The following DNAH8 variants were observed in gnomAD, a reference collection of about 807,000 sequenced individuals.
DNAH8 encodes dynein axonemal heavy chain 8, also known as axonemal beta dynein heavy chain 8.
In DNAH8, 382 loss-of-function variants were observed where a neutral mutation model predicts 562.1. The observed-to-expected ratio is 0.68, with a 90% CI of 0.63 to 0.74. The LOEUF (loss-of-function observed/expected upper bound fraction) is 0.74, where lower values mean the gene tolerates loss of function less well. Ranked by LOEUF, DNAH8 falls within the 30% of genes least tolerant of loss-of-function variation. The probability of loss-of-function intolerance (pLI) is 0.00; values close to 1 mark genes in which losing one functional copy is unlikely to be tolerated. For missense variants in DNAH8, 5,203 were observed against 5,620.4 expected, an observed-to-expected ratio of 0.93 and a Z score of 2.37; for synonymous variants, 1,881 against 1,919.4, an observed-to-expected ratio of 0.98 and a Z score of 0.52.
At chr6:38,988,566 C>G (rs1764568281) in intron 87 of DNAH8, among the ~76,000 whole-genome samples, 1 of 152,194 alleles carries the variant, frequency 6.6e-6, no homozygotes, top group African/African-American at 2.4e-5. Context: ...CAACTACTCT[C>G]CATTTCTTGA....
chr6:38,825,435 A>G (rs1268858474), intron 28 of DNAH8, among the ~76,000 whole-genome samples: 1 of 152,156 alleles, frequency 6.6e-6, no homozygotes, highest in Non-Finnish European at 1.5e-5. Flanking sequence ...AGCTATGTTA[A>G]GGGAGAAAAG....
intron 28 of DNAH8, among the ~76,000 whole-genome samples, 200 bp from the exon 29 acceptor site, chr6:38,825,956 A>T (rs1382310888): frequency 6.6e-6 from 1 of 152,178 alleles, no homozygotes; most frequent in African/African-American, 2.4e-5. Flanking sequence ...TTCCACGGGG[A>T]TACATGCTCT....
chr6:38,838,479 A>G (rs1774491916), intron 33 of DNAH8, among the ~76,000 whole-genome samples: 2 of 151,324 alleles, frequency 1.3e-5, no homozygotes, highest in Admixed American at 6.6e-5. Flanking sequence ...GCTCACTGCA[A>G]GCTCTGCCTC....
chr6:38,757,368 G>T (rs1766021155), intron 10 of DNAH8, among the ~76,000 whole-genome samples: 1 of 146,166 alleles, frequency 6.8e-6, no homozygotes, highest in Non-Finnish European at 1.5e-5. Context: ...TGATGGGGTT[G>T]TTTGTTTTTT....
chr6:38,940,301 A>G (rs1349121162), intron 79 of DNAH8, among the ~76,000 whole-genome samples: 1 of 152,168 alleles, frequency 6.6e-6, no homozygotes, highest in Non-Finnish European at 1.5e-5. Context: ...TGCATACAAG[A>G]GCCAAGAGAG....
At chr6:38,771,034 G>A (rs141710113) in intron 12 of DNAH8, among the ~76,000 whole-genome samples, 1 of 152,256 alleles carries the variant, frequency 6.6e-6, no homozygotes, top group African/African-American at 2.4e-5. Context: ...TATTAGGACT[G>A]GTTGGGAAGG....
intron 26 of DNAH8, among the ~76,000 whole-genome samples, chr6:38,816,496 A>G (rs778650455): frequency 3.9e-5 from 6 of 152,094 alleles, no homozygotes; most frequent in Non-Finnish European, 5.9e-5. Context: ...ATTGATGGGC[A>G]TTTGGGTTGA....
chr6:38,778,503 A>G (rs1196890860), intron 14 of DNAH8, 39 bp downstream of exon 14: 11 of 1,159,504 alleles, frequency 9.5e-6, no homozygotes, highest in East Asian at 2.4e-5. Context: ...TTCTGGGGGG[A>G]ATAACTTTAA....
chr6:38,811,472 A>G (rs1338740754), intron 24 of DNAH8, among the ~76,000 whole-genome samples: 1 of 152,182 alleles, frequency 6.6e-6, no homozygotes, highest in Non-Finnish European at 1.5e-5. Context: ...GTATCTCTGT[A>G]TCTATTCTAA....
Position 38,857,631 on chromosome 6 carries a change from T to C in DNAH8, c.5847T>C (p.Ile1949=). ...TGACCAATCAGAAATTTTTGGATAT[T>C]CTAAATACTCTCATTAGTCAGACAA... ...MQVTNQKFLD[I]LNTLISQTTH... Residue 1949 remains isoleucine (I), a synonymous_variant, in exon 42 of 93, where the codon ATT becomes ATC. Coordinates refer to ENST00000327475, the MANE Select transcript of DNAH8 (RefSeq NM_001206927.2). 1 of 1,613,850 alleles carries C rather than the reference T, an allele frequency of 6.2e-7. No homozygotes were observed. The highest frequency in any genetic ancestry group is 8.5e-7 in the Non-Finnish European group (1 of 1,179,778).
intron 49 of DNAH8, 106 bp downstream of exon 49, chr6:38,870,668 T>A: frequency 8.9e-7 from 1 of 1,123,882 alleles, no homozygotes; most frequent in South Asian, 1.4e-5. Context: ...AAATGTTAAA[T>A]GAAAACATCA....
At chr6:38,846,709 T>C (rs1326222844) in intron 36 of DNAH8, among the ~76,000 whole-genome samples, 1 of 152,200 alleles carries the variant, frequency 6.6e-6, no homozygotes, top group African/African-American at 2.4e-5. Context: ...TGCTGCCCTA[T>C]GGTTCATTGC....
At chr6:38,753,506 G>A (rs1765647424) in intron 9 of DNAH8, among the ~76,000 whole-genome samples, 1 of 152,144 alleles carries the variant, frequency 6.6e-6, no homozygotes, top group Admixed American at 6.5e-5. Flanking sequence ...TAGATGAAGT[G>A]AATATGGCAC....
At chr6:38,978,619 A>G (rs1206225021) in intron 85 of DNAH8, among the ~76,000 whole-genome samples, 1 of 152,056 alleles carries the variant, frequency 6.6e-6, no homozygotes, top group African/African-American at 2.4e-5. Context: ...TTTTCTTTGT[A>G]TATTAGCTCC....
chr6:38,839,860 T>C (rs1202740261), intron 33 of DNAH8, among the ~76,000 whole-genome samples: 1 of 152,200 alleles, frequency 6.6e-6, no homozygotes, highest in East Asian at 1.9e-4. Context: ...CGGGGTTTCA[T>C]CATGTTGGTC....
chr6:38,799,078 C>T (rs146502135), intron 21 of DNAH8, among the ~76,000 whole-genome samples: 39 of 152,274 alleles, frequency 2.6e-4, no homozygotes, highest in African/African-American at 8.7e-4. Flanking sequence ...AGTCCCACAA[C>T]GTAGGGCGTG....
At chr6:38,773,666 T>G (rs1767794272) in intron 12 of DNAH8, among the ~76,000 whole-genome samples, 1 of 152,170 alleles carries the variant, frequency 6.6e-6, no homozygotes, top group East Asian at 1.9e-4. Context: ...TGGTGGATAT[T>G]GGTGTCCAGA....
At chr6:38,924,537 A>T (rs552951604) in intron 73 of DNAH8, among the ~76,000 whole-genome samples, 2 of 152,196 alleles carry the variant, frequency 1.3e-5, no homozygotes, top group East Asian at 1.9e-4. Context: ...GGTTCATTGA[A>T]TTTTTTCTTT....
At position 38,723,020 on chromosome 6, in the gene DNAH8, A is replaced by T. The variant is rs1444009416; in HGVS notation, c.211A>T (p.Ile71Leu). 1.2e-6 allele frequency: 2 copies of T among 1,612,734 alleles called. No individual in the cohort carries two copies. Among genetic ancestry groups the T allele is most frequent in the Non-Finnish European group, 1.7e-6 (2 of 1,179,892 alleles). ...GGATCTCATTCCTTCTGAAGAAGGG[A>T]TAGTTCTTCCAGATGATCATGAAGC... Reference protein sequence around the residue: ...YRDLIPSEEGIVLPDDHEADL... With the variant: ...YRDLIPSEEGLVLPDDHEADL... Residue 71 changes from isoleucine to leucine, a missense_variant, in exon 2 of 93, where the codon ATA (isoleucine) becomes TTA (leucine). This residue lies in a region of DNAH8 where 556 missense variants were observed against 496.9 expected (regional missense o/e 1.12). Coordinates refer to ENST00000327475, the MANE Select transcript of DNAH8 (RefSeq NM_001206927.2).
Sources: allele counts gnomAD v4.1 joint callset (sites outside exome capture counted in the v4.1 genomes callset), GRCh38; gene constraint gnomAD v4.1.1; regional missense constraint gnomAD v4.1.1; transcripts MANE v1.5; gene names NCBI Gene and HGNC (gene_info 2026-07-23, HGNC 2026-07-21).